The following AGER variants were observed in gnomAD, a reference collection of about 807,000 sequenced individuals.
AGER encodes the protein advanced glycosylation end-product specific receptor.
In AGER, 46 loss-of-function variants were observed where a neutral mutation model predicts 48.8. That is an observed-to-expected ratio of 0.94 (90% CI 0.74 to 1.20). AGER has a LOEUF of 1.20. Among genes scored for constraint, AGER ranks in the 50% most tolerant of loss-of-function variants. The probability of loss-of-function intolerance (pLI) is 0.00; values close to 1 mark genes in which losing one functional copy is unlikely to be tolerated. For missense variants in AGER, 489 were observed against 515.0 expected, an observed-to-expected ratio of 0.95 and a Z score of 0.49; for synonymous variants, 170 against 199.9, an observed-to-expected ratio of 0.85 and a Z score of 1.26.
In AGER at chr6:32,183,737, G is replaced by A. The variant is rs1267532993; in HGVS notation, c.173C>T (p.Thr58Ile). 1 of 1,612,976 alleles carries A rather than the reference G, an allele frequency of 6.2e-7. No individual in the cohort carries two copies. Among genetic ancestry groups the A allele is most frequent in the Admixed American group, 1.7e-5 (1 of 60,012 alleles). ...GGGAGACAGGACCTTCCAAGCTTCTGTCCGGCCTGTGTTCTAGAAGCAGAG... is the reference window on the plus strand; with the variant it reads ...GGGAGACAGGACCTTCCAAGCTTCTATCCGGCCTGTGTTCTAGAAGCAGAG... Reference protein sequence around the residue: ...RLEWKLNTGRTEAWKVLSPQG... With the variant: ...RLEWKLNTGRIEAWKVLSPQG... The change falls in exon 3 of 11, where the codon ACA (threonine) becomes ATA (isoleucine). Residue 58 changes from threonine to isoleucine, a missense_variant. By Grantham distance (89) the Thr-to-Ile change is moderately conservative. Transcript: ENST00000375076.
chr6:32,183,667 G>C lies in AGER; in HGVS notation c.243C>G (p.Asn81Lys). Residue 81 changes from asparagine (N) to lysine (K), a missense_variant, in exon 3 of 11, where the codon AAC becomes AAG. Physicochemically the swap from Asn to Lys is moderately conservative, Grantham distance 94 (BLOSUM62 0). Transcript: ENST00000375076. ...PWDSVARVLP[N>K]GSLFLPAVGI... ...CGACAGCCGGAAGGAAGAGGGAGCCGTTGGGAAGGACACGAGCCACACTGT... is the reference window on the plus strand; with the variant it reads ...CGACAGCCGGAAGGAAGAGGGAGCCCTTGGGAAGGACACGAGCCACACTGT... 1.2e-6 allele frequency: 2 copies of C among 1,613,072 alleles called. No homozygotes were observed. The highest frequency in any genetic ancestry group is 1.7e-6 in the Non-Finnish European group (2 of 1,180,014).
At position 32,182,825 on chromosome 6, in the gene AGER, C is replaced by T. The variant is rs771075960; in HGVS notation, c.691+16G>A. ...CGTGCTCACGTGAGCTTGGGGCCCT[C>T]CCCACCTATGCTCACCCCAGACACG... On this transcript the variant is annotated intron_variant, in intron 6 of 10. Transcript: ENST00000375076. The surrounding 1 kb of genome is among the most constrained non-coding windows in gnomAD (Gnocchi z 5.1). 6.2e-7 allele frequency: 1 copy of T among 1,612,374 alleles called. No individual in the cohort carries two copies. The highest frequency in any genetic ancestry group is 2.2e-5 in the East Asian group (1 of 44,898).
rs191750543 is a variant in AGER, at chr6:32,181,209, C to T, written c.1149G>A (p.Glu383=). The change falls in exon 11 of 11, where the codon GAG becomes GAA. Residue 383 remains glutamate, a synonymous_variant. Coordinates refer to ENST00000375076, the MANE Select transcript of AGER (RefSeq NM_001136.5). The surrounding 1 kb of genome is among the most constrained non-coding windows in gnomAD (Gnocchi z 4.1). The part of the protein sequence containing the change: ...RKAPENQEEE[E]ERAELNQSEE... Reference sequence around the variant, plus strand: ...CCGACTGATTCAGTTCTGCACGCTCCTCCTCTTCCTCCTGGTTTTCTGGGG... The same window carrying T: ...CCGACTGATTCAGTTCTGCACGCTCTTCCTCTTCCTCCTGGTTTTCTGGGG... 3.7e-6 allele frequency: 6 copies of T among 1,614,222 alleles called. No homozygotes were observed. Among genetic ancestry groups the T allele is most frequent in the South Asian group, 3.3e-5 (3 of 91,088 alleles).
Position 32,183,919 on chromosome 6 carries a change from C to A in AGER, c.121G>T (p.Ala41Ser). The A allele has an allele frequency of 1.2e-6, 2 of 1,613,038 alleles. No individual in the cohort carries two copies. Among genetic ancestry groups the A allele is most frequent in the Non-Finnish European group, 1.7e-6 (2 of 1,180,002 alleles). ...AGCCGCTGGGGTGGTTTCTTGGGGGCCCCCTTACACTTCAGCACCAGTGGC... is the reference window on the plus strand; with the variant it reads ...AGCCGCTGGGGTGGTTTCTTGGGGGACCCCTTACACTTCAGCACCAGTGGC... ...GEPLVLKCKG[A>S]PKKPPQRLEW... is the part of the protein sequence containing the mutation. Residue 41 changes from alanine to serine, a missense_variant, in exon 2 of 11, where the codon GCC (alanine) becomes TCC (serine). Transcript: ENST00000375076.
At position 32,181,657 on chromosome 6, in the gene AGER, CAGAA is replaced by C; in HGVS notation, c.965-29_965-26del. The C allele has an allele frequency of 1.9e-6, 3 of 1,612,142 alleles. 1 individual carries two copies. ...TCTGGAAGACAAAGTTGGATCCAGT[CAGAA>C]AGGAAGACTTCGGGTTGAGAGAGGG... On this transcript the variant is annotated intron_variant, in intron 8 of 10. Coordinates refer to ENST00000375076, the MANE Select transcript of AGER (RefSeq NM_001136.5). The surrounding 1 kb of genome is among the most constrained non-coding windows in gnomAD (Gnocchi z 4.1).
chr6:32,181,114 C>T lies in AGER; in HGVS notation c.*29G>A, dbSNP rs757855810. 2 of 1,608,392 alleles carry T rather than the reference C, an allele frequency of 1.2e-6. No individual in the cohort carries two copies. The highest frequency in any genetic ancestry group is 8.5e-7 in the Non-Finnish European group (1 of 1,174,888). ...AGTTCAAGGGAAAAAGAAAAGGGAGCTGATGGATGGGATCTGTCTGTGGGC... is the reference window on the plus strand; with the variant it reads ...AGTTCAAGGGAAAAAGAAAAGGGAGTTGATGGATGGGATCTGTCTGTGGGC... On this transcript the variant is annotated 3_prime_UTR_variant, in exon 11 of 11. Transcript: ENST00000375076. The surrounding 1 kb of genome is among the most constrained non-coding windows in gnomAD (Gnocchi z 4.1).
Position 32,184,225 on chromosome 6 carries a change from T to C in AGER, c.-3A>G, listed in dbSNP as rs772898415. The C allele has an allele frequency of 6.2e-7, 1 of 1,612,396 alleles. No individual in the cohort carries two copies. Among genetic ancestry groups the C allele is most frequent in the South Asian group, 1.1e-5 (1 of 90,946 alleles). Reference sequence around the variant, plus strand: ...CCAACTGCTGTTCCGGCAGCCATCCTGCTTCCTTCCAGGGTCCTGGCTCTG... The same window carrying C: ...CCAACTGCTGTTCCGGCAGCCATCCCGCTTCCTTCCAGGGTCCTGGCTCTG... On this transcript the variant is annotated 5_prime_UTR_variant, in exon 1 of 11. Coordinates refer to ENST00000375076, the MANE Select transcript of AGER (RefSeq NM_001136.5).
Position 32,183,365 on chromosome 6 carries a change from C to T in AGER, c.379G>A (p.Val127Ile), listed in dbSNP as rs773054732. ...GCCGTGAGTTCAGAGGCAGAATCTA[C>T]AATTTCTGGCTTCCCAGGAATCTCT... ...VYQIPGKPEI[V>I]DSASELTAGV... The change falls in exon 4 of 11, where the codon GTA becomes ATA. Residue 127 changes from valine (V) to isoleucine (I), a missense_variant. By Grantham distance (29) the Val-to-Ile change is conservative (BLOSUM62 3). Coordinates refer to ENST00000375076, the MANE Select transcript of AGER (RefSeq NM_001136.5). The T allele has an allele frequency of 1.1e-5, 18 of 1,612,988 alleles. No individual in the cohort carries two copies. Among genetic ancestry groups the T allele is most frequent in the Admixed American group, 1.7e-5 (1 of 60,006 alleles).
At position 32,182,088 on chromosome 6, in the gene AGER, G is replaced by C. The variant is rs1449018495; in HGVS notation, c.964+159C>G. The C allele has an allele frequency of 9.6e-7, 1 of 1,040,874 alleles. No individual in the cohort carries two copies. The highest frequency in any genetic ancestry group is 2.6e-5 in the East Asian group (1 of 38,816). The allele number at this position is 1,040,874 out of a possible 1,614,324, so 64.5% of individuals were successfully genotyped here. ...AAGGGAGAGGCTTGGCTGCTCTCTT[G>C]GCAGAATTTGGGTGGGGCAGGGGAG... On this transcript the variant is annotated intron_variant, in intron 8 of 10. Transcript: ENST00000375076. The surrounding 1 kb of genome is among the most constrained non-coding windows in gnomAD (Gnocchi z 5.1).
Position 32,182,432 on chromosome 6 carries a change from T to C in AGER, c.823-44A>G. Reference sequence around the variant, plus strand: ...AGGAGACTATTTCAAAACCCTTGTCTTTTTGTCTCCATATCTTCAGATACC... The same window carrying C: ...AGGAGACTATTTCAAAACCCTTGTCCTTTTGTCTCCATATCTTCAGATACC... On this transcript the variant is annotated intron_variant, in intron 7 of 10. Coordinates refer to ENST00000375076, the MANE Select transcript of AGER (RefSeq NM_001136.5). The surrounding 1 kb of genome is among the most constrained non-coding windows in gnomAD (Gnocchi z 5.1). 6.3e-7 allele frequency: 1 copy of C among 1,593,848 alleles called. No homozygotes were observed. Among genetic ancestry groups the C allele is most frequent in the Non-Finnish European group, 8.6e-7 (1 of 1,169,140 alleles).
Position 32,181,549 on chromosome 6 carries a change from C to A in AGER, c.991+57G>T, listed in dbSNP as rs774569538. 1 of 1,613,146 alleles carries A rather than the reference C, an allele frequency of 6.2e-7. No individual in the cohort carries two copies. The highest frequency in any genetic ancestry group is 1.1e-5 in the South Asian group (1 of 91,084). On this transcript the variant is annotated intron_variant, in intron 9 of 10. Transcript: ENST00000375076. This position sits in a 1 kb window ranked among gnomAD's most constrained non-coding sequence, Gnocchi z 4.1. ...CATTCCTTTCTTGTTGACCATCCCC[C>A]CAGTCACATGTGTTGGGGGCTATCT...
In AGER at chr6:32,181,459, C is replaced by T. The variant is rs773772892; in HGVS notation, c.1010G>A (p.Gly337Glu). 1 of 1,613,208 alleles carries T rather than the reference C, an allele frequency of 6.2e-7. No homozygotes were observed. Among genetic ancestry groups the T allele is most frequent in the Non-Finnish European group, 8.5e-7 (1 of 1,180,032 alleles). Residue 337 changes from glycine to glutamate, a missense_variant, in exon 10 of 11, where the codon GGG becomes GAG. By Grantham distance (98) the Gly-to-Glu change is moderately conservative (BLOSUM62 -2). Transcript: ENST00000375076. This position sits in a 1 kb window ranked among gnomAD's most constrained non-coding sequence, Gnocchi z 4.1. ...GPTAGSVGGS[G>E]LGTLALALGI... The stretch of plus-strand genomic sequence containing the variant: ...CAGGGCCAGGGCTAGAGTTCCCAGC[C>T]CTGATCCTCCCACAGAGCCTGTACG...
At chr6:32,183,058 T>G in intron 5 of AGER, 35 bp from the exon 6 acceptor site, 3 of 1,612,884 alleles carry the variant, frequency 1.9e-6, no homozygotes, top group Non-Finnish European at 2.5e-6. Context: ...TATCCCAGGG[T>G]GGGTGTGGGA....
intron 5 of AGER, 33 bp from the exon 6 acceptor site, chr6:32,183,056 G>T: frequency 1.2e-6 from 2 of 1,612,804 alleles, no homozygotes; most frequent in Non-Finnish European, 1.7e-6. Flanking sequence ...ATTATCCCAG[G>T]GTGGGTGTGG....
rs764437307 is a variant in AGER, at chr6:32,182,850, G to A, written c.682C>T (p.Arg228Cys). Residue 228 changes from arginine to cysteine, a missense_variant, in exon 6 of 11, where the codon CGT becomes TGT. Coordinates refer to ENST00000375076, the MANE Select transcript of AGER (RefSeq NM_001136.5). This position sits in a 1 kb window ranked among gnomAD's most constrained non-coding sequence, Gnocchi z 5.1. ...RALRTAPIQPRVWEPVPLEEV... is the reference protein window; with the variant it reads ...RALRTAPIQPCVWEPVPLEEV... The stretch of plus-strand genomic sequence containing the variant: ...CCCCACCTATGCTCACCCCAGACAC[G>A]GGGCTGGATGGGGGCTGTGCGCAAG... 29 of 1,611,758 alleles carry A rather than the reference G, an allele frequency of 1.8e-5. No homozygotes were observed. The highest frequency in any genetic ancestry group is 8.8e-5 in the South Asian group (8 of 91,046).
Position 32,183,719 on chromosome 6 carries a change from A to G in AGER, c.191T>C (p.Leu64Pro), listed in dbSNP as rs1786698061. 1 of 1,612,992 alleles carries G rather than the reference A, an allele frequency of 6.2e-7. No individual in the cohort carries two copies. The highest frequency in any genetic ancestry group is 1.1e-5 in the South Asian group (1 of 91,096). Residue 64 changes from leucine to proline, a missense_variant, in exon 3 of 11, where the codon CTG becomes CCG. Transcript: ENST00000375076. ...CCAGGGGCCTCCTCCCTGGGGAGACAGGACCTTCCAAGCTTCTGTCCGGCC... is the reference window on the plus strand; with the variant it reads ...CCAGGGGCCTCCTCCCTGGGGAGACGGGACCTTCCAAGCTTCTGTCCGGCC... ...NTGRTEAWKV[L>P]SPQGGGPWDS... is the part of the protein sequence containing the mutation.
Position 32,183,598 on chromosome 6 carries a change from C to T in AGER, c.312G>A (p.Arg104=). 6.2e-7 allele frequency: 1 copy of T among 1,613,072 alleles called. No homozygotes were observed. The change falls in exon 3 of 11, where the codon AGG becomes AGA. Residue 104 remains arginine (R), a synonymous_variant. Coordinates refer to ENST00000375076, the MANE Select transcript of AGER (RefSeq NM_001136.5). ...AGTTGGACTTGGTCTCCTTTCCATTCCTGTTCATTGCCTGGCACCGGAAAA... is the reference window on the plus strand; with the variant it reads ...AGTTGGACTTGGTCTCCTTTCCATTTCTGTTCATTGCCTGGCACCGGAAAA... ...EGIFRCQAMN[R]NGKETKSNYR...
In AGER at chr6:32,181,736, A is replaced by C; in HGVS notation, c.965-104T>G. 2 of 1,197,654 alleles carry C rather than the reference A, an allele frequency of 1.7e-6. No homozygotes were observed. The highest frequency in any genetic ancestry group is 2.8e-5 in the South Asian group (2 of 72,452). 74.2% of individuals were successfully genotyped at this position (1,197,654 alleles called of 1,614,324 possible). On this transcript the variant is annotated intron_variant, in intron 8 of 10. Transcript: ENST00000375076. The surrounding 1 kb of genome is among the most constrained non-coding windows in gnomAD (Gnocchi z 4.1). The stretch of plus-strand genomic sequence containing the variant: ...GTCTTTCCCTTTCTTTTTTTTTTTG[A>C]GATGGAGTTTCACTTTTGTTGCCCA...
Position 32,182,528 on chromosome 6 carries a change from G to C in AGER, c.822+40C>G. Reference sequence around the variant, plus strand: ...TCTGCCCTCCCTGTTGCTAGTTATGGTTCACCCTACCTCCCAGCCCCTCTC... The same window carrying C: ...TCTGCCCTCCCTGTTGCTAGTTATGCTTCACCCTACCTCCCAGCCCCTCTC... On this transcript the variant is annotated intron_variant, in intron 7 of 10. Transcript: ENST00000375076. The surrounding 1 kb of genome is among the most constrained non-coding windows in gnomAD (Gnocchi z 5.1). 6.2e-7 allele frequency: 1 copy of C among 1,605,834 alleles called. No individual in the cohort carries two copies.
Sources: gnomAD v4.1 joint callset for allele counts on GRCh38, gnomAD v4.1.1 for gene constraint, Gnocchi (gnomAD v3.1) non-coding constraint, MANE v1.5 for transcripts, NCBI Gene and HGNC (gene_info 2026-07-23, HGNC 2026-07-21) for gene names.